Variants in TAF4 observed in about 807,000 individuals in gnomAD.
TAF4 encodes TATA-box binding protein associated factor 4.
Under a neutral mutation model 90.3 loss-of-function variants are expected in TAF4, and 9 were observed. The observed-to-expected ratio is 0.10, with a 90% confidence interval of 0.06 to 0.17. The LOEUF is 0.17. Ranked by LOEUF, TAF4 falls within the 10% of genes least tolerant of loss-of-function variation. TAF4 has a pLI of 1.00. For synonymous variants in TAF4, 818 were observed against 638.9 expected, an observed-to-expected ratio of 1.28 and a Z score of -4.23; for missense variants, 1,351 against 1,370.7, an observed-to-expected ratio of 0.99 and a Z score of 0.23.
intron 1 of TAF4, among the ~76,000 whole-genome samples, chr20:62,057,211 T>A (rs1282635924): frequency 6.6e-6 from 1 of 152,208 alleles, no homozygotes; most frequent in Non-Finnish European, 1.5e-5. Context: ...CAGCCCCCAG[T>A]GGACCAGCTG....
intron 14 of TAF4, among the ~76,000 whole-genome samples, chr20:61,982,966 A>C (rs1243029813): frequency 2.6e-5 from 4 of 152,184 alleles, no homozygotes; most frequent in African/African-American, 9.7e-5. Flanking sequence ...AGGGCCCAGA[A>C]ACAGCCTCAG....
At chr20:61,981,801 C>T (rs2055542869) in intron 14 of TAF4, among the ~76,000 whole-genome samples, 1 of 146,716 alleles carries the variant, frequency 6.8e-6, no homozygotes, top group Non-Finnish European at 1.5e-5. Flanking sequence ...CGAGAGGAGA[C>T]ACCAAACCCA....
At chr20:62,038,816 G>A (rs2055948078) in intron 1 of TAF4, among the ~76,000 whole-genome samples, 2 of 152,204 alleles carry the variant, frequency 1.3e-5, no homozygotes, top group Non-Finnish European at 2.9e-5. Context: ...ACTTTGAGAG[G>A]CTGAGGCAGG....
At chr20:62,001,959 G>A (rs28382097) in intron 9 of TAF4, among the ~76,000 whole-genome samples, 148 of 152,282 alleles carry the variant, frequency 9.7e-4, no homozygotes, top group Middle Eastern at 3.4e-3. Context: ...AGGACCCTGC[G>A]GTGAACAAAG....
At chr20:62,055,315 C>T (rs1447704365) in intron 1 of TAF4, among the ~76,000 whole-genome samples, 1 of 149,848 alleles carries the variant, frequency 6.7e-6, no homozygotes, top group Non-Finnish European at 1.5e-5. Flanking sequence ...GCAAGACGAT[C>T]GATTCATGCT....
chr20:62,025,521 G>A (rs563104647), intron 1 of TAF4, among the ~76,000 whole-genome samples: 3 of 152,308 alleles, frequency 2.0e-5, no homozygotes, highest in African/African-American at 7.2e-5. Flanking sequence ...CATGGGGACA[G>A]CTTCCCCCAG....
At chr20:62,030,062 G>A (rs917301602) in intron 1 of TAF4, among the ~76,000 whole-genome samples, 52 of 152,126 alleles carry the variant, frequency 3.4e-4, no homozygotes, top group African/African-American at 8.9e-4. Flanking sequence ...GAGGAAAGAC[G>A]CACAATGCCA....
chr20:61,994,029 C>G (rs897573999), intron 14 of TAF4, among the ~76,000 whole-genome samples: 1 of 151,840 alleles, frequency 6.6e-6, no homozygotes, highest in Non-Finnish European at 1.5e-5. Context: ...GGGATTACAA[C>G]GTTCTAGTTC....
At chr20:62,045,297 T>C (rs201465845) in intron 1 of TAF4, among the ~76,000 whole-genome samples, 1 of 152,238 alleles carries the variant, frequency 6.6e-6, no homozygotes, top group East Asian at 1.9e-4. Context: ...TGTTCTTCCC[T>C]GCCCTTCCTG....
rs1023636472 is a variant in TAF4, at chr20:62,042,919, G to A, written c.1360+21532C>T. The stretch of plus-strand genomic sequence containing the variant: ...AGACTGCAGGGAGACGGGACTTGGA[G>A]GTGGAGGGCAGTGATGTGGATGATC... On this transcript the variant is annotated intron_variant, in intron 1 of 14. Coordinates refer to ENST00000252996, the MANE Select transcript of TAF4 (RefSeq NM_003185.4). Among the ~76,000 whole-genome samples, 3 of 152,194 alleles carry A rather than the reference G, an allele frequency of 2.0e-5. No individual in the cohort carries two copies. The South Asian group carries it at 6.2e-4, about 32-fold the overall frequency.
chr20:62,007,724 C>T lies in TAF4; in HGVS notation c.1885-88G>A, dbSNP rs1454957543. ...CGCATCACTCTGGTCTCGTATTTTA[C>T]GGCTGATTCCGCCCCGAGTTTCACT... On this transcript the variant is annotated intron_variant, in intron 5 of 14. Transcript: ENST00000252996. 7.8e-5 allele frequency: 99 copies of T among 1,270,954 alleles called. 1 individual carries two copies. The Admixed American group carries it at 1.6e-3, about 20-fold the overall frequency. 78.7% of individuals were successfully genotyped at this position (1,270,954 alleles called of 1,614,324 possible). A position where few individuals can be genotyped will look rare whatever the true frequency, so the allele number is the denominator to read the frequency against.
At chr20:61,996,189 C>T (rs1260817874) in intron 14 of TAF4, among the ~76,000 whole-genome samples, 5 of 152,116 alleles carry the variant, frequency 3.3e-5, no homozygotes, top group Non-Finnish European at 7.3e-5. Flanking sequence ...GCCCATGCTA[C>T]ATGGTGAGAC....
intron 9 of TAF4, among the ~76,000 whole-genome samples, chr20:62,002,619 T>C (rs1018175120): frequency 1.3e-5 from 2 of 152,204 alleles, no homozygotes; most frequent in African/African-American, 4.8e-5. Context: ...GCCTCCCAAG[T>C]AGCTAGGCCC....
chr20:62,024,476 T>C (rs2055863492), intron 1 of TAF4, among the ~76,000 whole-genome samples: 1 of 152,224 alleles, frequency 6.6e-6, no homozygotes, highest in South Asian at 2.1e-4. Flanking sequence ...TGCTAGAGAA[T>C]GAGAAGACAA....
chr20:61,993,251 C>A (rs1239276529), intron 14 of TAF4, among the ~76,000 whole-genome samples: 1 of 152,194 alleles, frequency 6.6e-6, no homozygotes, highest in Non-Finnish European at 1.5e-5. Context: ...GCGCACAGCC[C>A]AGACCCGTGT....
chr20:62,035,556 C>T (rs958739695), intron 1 of TAF4, among the ~76,000 whole-genome samples: 4 of 149,276 alleles, frequency 2.7e-5, no homozygotes, highest in Admixed American at 6.8e-5. Context: ...ACACAAACCC[C>T]ATGCCAGGAG....
chr20:62,024,921 G>C (rs1445957008), intron 1 of TAF4, among the ~76,000 whole-genome samples: 1 of 151,448 alleles, frequency 6.6e-6, no homozygotes, highest in Non-Finnish European at 1.5e-5. Flanking sequence ...AAAGGTGGCA[G>C]ACGGATGCAA....
chr20:61,991,938 C>T (rs1446158214), intron 14 of TAF4, among the ~76,000 whole-genome samples: 2 of 152,086 alleles, frequency 1.3e-5, no homozygotes, highest in African/African-American at 4.8e-5. Flanking sequence ...TAGATTTGGA[C>T]AGTAACACTT....
chr20:62,030,521 C>A (rs2055898994), intron 1 of TAF4, among the ~76,000 whole-genome samples: 1 of 152,214 alleles, frequency 6.6e-6, no homozygotes, highest in African/African-American at 2.4e-5. Context: ...ACTGTCACAC[C>A]CCACTGCGGC....
Sources: gnomAD v4.1 joint callset for allele counts (sites outside exome capture counted in the v4.1 genomes callset) on GRCh38, gnomAD v4.1.1 for gene constraint, MANE v1.5 for transcripts, NCBI Gene and HGNC (gene_info 2026-07-23, HGNC 2026-07-21) for gene names.